Variants in SMIM31 observed in about 807,000 individuals in gnomAD.
The protein encoded by SMIM31 is small integral membrane protein 31.
chr4:164,775,339 C>T (rs916345886), intron 2 of SMIM31, among the ~76,000 whole-genome samples: 3 of 152,186 alleles, frequency 2.0e-5, no homozygotes, highest in Non-Finnish European at 4.4e-5. Flanking sequence ...AGACACAGAC[C>T]TTTCAACTCC....
At chr4:164,793,924 G>A (rs887182747) in intron 2 of SMIM31, among the ~76,000 whole-genome samples, 22 of 152,274 alleles carry the variant, frequency 1.4e-4, no homozygotes, top group Admixed American at 6.5e-4. Context: ...GAAAAGCATC[G>A]TAGCATTTGA....
intron 1 of SMIM31, among the ~76,000 whole-genome samples, chr4:164,768,913 C>A (rs1732757164): frequency 6.6e-6 from 1 of 152,166 alleles, no homozygotes; most frequent in Non-Finnish European, 1.5e-5. Flanking sequence ...CAGAGTGCAT[C>A]AGCATCTCTA....
chr4:164,782,249 C>T (rs1476947611), intron 2 of SMIM31, among the ~76,000 whole-genome samples: 1 of 151,504 alleles, frequency 6.6e-6, no homozygotes. Context: ...GAGACCGCGC[C>T]ATTGCACTCC....
chr4:164,772,664 C>A (rs532877204), intron 2 of SMIM31, among the ~76,000 whole-genome samples: 1 of 151,094 alleles, frequency 6.6e-6, no homozygotes, highest in Admixed American at 6.6e-5. Flanking sequence ...CTGCAAGCTC[C>A]GCCTCCCGGG....
intron 2 of SMIM31, among the ~76,000 whole-genome samples, chr4:164,772,681 C>A (rs905225552): frequency 6.6e-6 from 1 of 151,388 alleles, no homozygotes; most frequent in Admixed American, 6.6e-5. Context: ...CGGGTTCACG[C>A]CATTCTCCTG....
At chr4:164,755,571 GAGGGGAGGGGAGGGA>G (rs1732550579) in intron 1 of SMIM31, among the ~76,000 whole-genome samples, 2 of 63,568 alleles carry the variant, frequency 3.1e-5, no homozygotes, top group African/African-American at 5.7e-5. Context: ...GAGGGGAGGG[GAGGGGAGGGGAGGGA>G]AATCTGTGGC....
chr4:164,771,238 C>A (rs2110932817), intron 2 of SMIM31, among the ~76,000 whole-genome samples: 1 of 152,320 alleles, frequency 6.6e-6, no homozygotes, highest in Middle Eastern at 3.4e-3. Flanking sequence ...CATTCCAGTT[C>A]ATGCTGACTT....
intron 2 of SMIM31, among the ~76,000 whole-genome samples, chr4:164,797,914 T>C (rs1367421445): frequency 6.6e-6 from 1 of 152,170 alleles, no homozygotes; most frequent in East Asian, 1.9e-4. Context: ...GTCCCTAATG[T>C]CTATTACTCC....
intron 2 of SMIM31, among the ~76,000 whole-genome samples, chr4:164,791,263 T>G (rs551918993): frequency 8.5e-5 from 13 of 152,220 alleles, no homozygotes; most frequent in Non-Finnish European, 1.8e-4. Context: ...ACATACAAAT[T>G]TATTTGCCTG....
intron 2 of SMIM31, among the ~76,000 whole-genome samples, chr4:164,784,328 A>G (rs1362598540): frequency 1.3e-5 from 2 of 152,244 alleles, no homozygotes; most frequent in Admixed American, 6.5e-5. Flanking sequence ...TGAACCCTGA[A>G]ACAAACAGGA....
intron 2 of SMIM31, among the ~76,000 whole-genome samples, chr4:164,780,750 A>G (rs1269815056): frequency 6.6e-6 from 1 of 152,250 alleles, no homozygotes; most frequent in African/African-American, 2.4e-5. Flanking sequence ...CTAAAACCAT[A>G]ATGGGATACT....
chr4:164,795,886 T>G (rs1733189051), intron 2 of SMIM31, among the ~76,000 whole-genome samples: 1 of 152,186 alleles, frequency 6.6e-6, no homozygotes, highest in South Asian at 2.1e-4. Flanking sequence ...CACAGTCTAG[T>G]GAGGTGCAAT....
At chr4:164,797,465 C>T (rs866634087) in intron 2 of SMIM31, among the ~76,000 whole-genome samples, 30 of 131,302 alleles carry the variant, frequency 2.3e-4, no homozygotes, top group African/African-American at 2.6e-4. Context: ...GATTTCTTTT[C>T]TTTTTTTTTT....
At chr4:164,780,405 T>C (rs767303025) in intron 2 of SMIM31, among the ~76,000 whole-genome samples, 12 of 152,274 alleles carry the variant, frequency 7.9e-5, no homozygotes, top group South Asian at 2.1e-4. Context: ...CCAGCCTGGG[T>C]GACAGAGCGA....
rs1355407992 is a variant in SMIM31 at position 164,770,429 on chromosome 4, T to C, written c.-15T>C. On this transcript the variant is annotated 5_prime_UTR_variant, in exon 2 of 3. Coordinates refer to ENST00000507311, the MANE Select transcript of SMIM31 (RefSeq NM_001352885.1). ...TTATTCCTATTGTAGGTGAAGAAGT[T>C]TTCGGTGGTGGTTCATGGAGCTTCC... is the stretch of plus-strand genomic sequence containing the variant. 2.5e-6 allele frequency: 1 copy of C among 398,880 alleles called. No homozygotes were observed. The highest frequency in any genetic ancestry group is 1.3e-4 in the South Asian group (1 of 7,862). The allele number at this position is 398,880 out of a possible 1,614,324, so 24.7% of individuals were successfully genotyped here.
At chr4:164,778,193 G>A (rs949335469) in intron 2 of SMIM31, among the ~76,000 whole-genome samples, 2 of 152,156 alleles carry the variant, frequency 1.3e-5, no homozygotes, top group African/African-American at 4.8e-5. Flanking sequence ...TTTGAGATCA[G>A]CCTGGGCAAC....
intron 1 of SMIM31, among the ~76,000 whole-genome samples, chr4:164,755,673 T>A (rs927069278): frequency 2.8e-4 from 42 of 151,524 alleles, no homozygotes; most frequent in South Asian, 2.1e-4. Flanking sequence ...AAAATTGAAA[T>A]TGAATGAAAC....
chr4:164,762,895 A>C (rs1732671343), intron 1 of SMIM31, among the ~76,000 whole-genome samples: 1 of 152,140 alleles, frequency 6.6e-6, no homozygotes, highest in Non-Finnish European at 1.5e-5. Flanking sequence ...AAAGGGGAAA[A>C]CCTAAAGATA....
chr4:164,771,167 T>C (rs1278931303), intron 2 of SMIM31, among the ~76,000 whole-genome samples: 1 of 152,214 alleles, frequency 6.6e-6, no homozygotes, highest in Non-Finnish European at 1.5e-5. Context: ...TAAAAGACTA[T>C]TCTATCCGAT....
Sources: gnomAD v4.1 joint callset for allele counts (sites outside exome capture counted in the v4.1 genomes callset) on GRCh38, gnomAD v4.1.1 for gene constraint, MANE v1.5 for transcripts, NCBI Gene and HGNC (gene_info 2026-07-23, HGNC 2026-07-21) for gene names.